CDH12: variants seen among roughly 807,000 people sequenced by gnomAD.
The protein encoded by CDH12 is cadherin 12.
A neutral mutation model predicts 74.1 loss-of-function variants in CDH12; 41 were observed. The ratio of observed to expected loss-of-function variants is 0.55; its 90% CI spans 0.43 to 0.72. The LOEUF (loss-of-function observed/expected upper bound fraction) is 0.72, where lower values mean the gene tolerates loss of function less well. Among genes scored for constraint, CDH12 ranks in the 30% least tolerant of loss-of-function variants. The pLI, the probability that CDH12 is intolerant of heterozygous loss-of-function variation, is 0.00. For missense variants in CDH12, 945 were observed against 977.2 expected (o/e 0.97, Z 0.44); for synonymous variants, 399 against 355.0 (o/e 1.12, Z -1.39).
intron 2 of CDH12, among the ~76,000 whole-genome samples, chr5:22,500,285 T>C (rs1747279904): frequency 6.6e-6 from 1 of 152,212 alleles, no homozygotes. Context: ...ATTTATTTAC[T>C]AAATGTTATA....
At chr5:22,014,049 A>G (rs977969415) in intron 5 of CDH12, among the ~76,000 whole-genome samples, 8 of 152,118 alleles carry the variant, frequency 5.3e-5, no homozygotes, top group African/African-American at 1.9e-4. Context: ...CCACATGGTG[A>G]AAACCCATCT....
At chr5:22,326,382 C>T (rs1246289797) in intron 3 of CDH12, among the ~76,000 whole-genome samples, 1 of 151,988 alleles carries the variant, frequency 6.6e-6, no homozygotes, top group Non-Finnish European at 1.5e-5. Context: ...ACTACAGGCA[C>T]CCGCAACCAC....
At chr5:22,543,455 A>G (rs764537605) in intron 1 of CDH12, among the ~76,000 whole-genome samples, 2 of 152,128 alleles carry the variant, frequency 1.3e-5, no homozygotes, top group Admixed American at 6.5e-5. Flanking sequence ...TTAAAATATC[A>G]TTTACTCTAA....
At chr5:22,701,709 C>A (rs962514794) in intron 1 of CDH12, among the ~76,000 whole-genome samples, 10 of 152,236 alleles carry the variant, frequency 6.6e-5, no homozygotes, top group African/African-American at 2.4e-4. Context: ...TTCTTCATAT[C>A]ATTTCAATCT....
chr5:22,700,005 T>A (rs1352840856), intron 1 of CDH12, among the ~76,000 whole-genome samples: 1 of 152,038 alleles, frequency 6.6e-6, no homozygotes, highest in East Asian at 1.9e-4. Context: ...TAAAAGCCCG[T>A]GTCTACAAAA....
At chr5:21,836,997 C>T (rs564523699) in intron 8 of CDH12, among the ~76,000 whole-genome samples, 1 of 152,016 alleles carries the variant, frequency 6.6e-6, no homozygotes, top group African/African-American at 2.4e-5. Flanking sequence ...AAAACACAGG[C>T]ATTGAAAGCA....
At chr5:21,922,980 A>G (rs144835871) in intron 6 of CDH12, among the ~76,000 whole-genome samples, 193 of 151,648 alleles carry the variant, frequency 1.3e-3, no homozygotes, top group African/African-American at 4.5e-3. Context: ...ATCTATATCT[A>G]TATATGGAGA....
chr5:21,862,130 T>C (rs936146213), intron 6 of CDH12, among the ~76,000 whole-genome samples: 1 of 152,076 alleles, frequency 6.6e-6, no homozygotes, highest in South Asian at 2.1e-4. Flanking sequence ...TTTAGTTGTG[T>C]TTGGTAAACT....
chr5:22,131,567 G>C, intron 4 of CDH12, among the ~76,000 whole-genome samples: 1 of 152,066 alleles, frequency 6.6e-6, no homozygotes, highest in Non-Finnish European at 1.5e-5. Context: ...ACTATTCTAG[G>C]TCACCTTGTT....
intron 1 of CDH12, among the ~76,000 whole-genome samples, chr5:22,582,792 T>G (rs1388013506): frequency 1.3e-5 from 2 of 152,156 alleles, no homozygotes; most frequent in Admixed American, 6.6e-5. Context: ...TGTATCATGT[T>G]TTCATGAAAG....
chr5:21,816,048 G>A (rs1748021954), intron 9 of CDH12, among the ~76,000 whole-genome samples: 2 of 151,984 alleles, frequency 1.3e-5, no homozygotes, highest in South Asian at 4.2e-4. Flanking sequence ...GCATCACTAG[G>A]TCTTTTTTGT....
intron 2 of CDH12, among the ~76,000 whole-genome samples, chr5:22,501,032 A>G (rs1747310322): frequency 6.6e-6 from 1 of 152,126 alleles, no homozygotes; most frequent in African/African-American, 2.4e-5. Context: ...GTGACCTATC[A>G]CAAAAAATCA....
At chr5:22,506,853 A>G (rs1442616412) in intron 1 of CDH12, among the ~76,000 whole-genome samples, 1 of 152,178 alleles carries the variant, frequency 6.6e-6, no homozygotes, top group Non-Finnish European at 1.5e-5. Context: ...CTCCAGCTTC[A>G]TATTATTAAC....
intron 1 of CDH12, among the ~76,000 whole-genome samples, chr5:22,746,030 G>T (rs1745279132): frequency 2.0e-5 from 3 of 152,136 alleles, no homozygotes; most frequent in Admixed American, 1.3e-4. Flanking sequence ...TACCCTATGT[G>T]AGATATAATA....
At chr5:22,830,022 C>T (rs534528098) in intron 1 of CDH12, among the ~76,000 whole-genome samples, 2 of 152,276 alleles carry the variant, frequency 1.3e-5, no homozygotes, top group African/African-American at 2.4e-5. Flanking sequence ...TTCATTATAT[C>T]ACACATCACT....
intron 4 of CDH12, among the ~76,000 whole-genome samples, chr5:22,140,440 G>A (rs1746721225): frequency 7.3e-6 from 1 of 136,370 alleles, no homozygotes; most frequent in Middle Eastern, 3.7e-3. Flanking sequence ...AGTGTATAAA[G>A]TAAAAAGAGA....
chr5:21,934,294 C>T (rs1006404223), intron 6 of CDH12, among the ~76,000 whole-genome samples: 12 of 152,090 alleles, frequency 7.9e-5, no homozygotes, highest in Non-Finnish European at 7.3e-5. Context: ...GTAATGTATC[C>T]TGAGTGAGTT....
intron 4 of CDH12, among the ~76,000 whole-genome samples, chr5:22,185,155 G>T (rs1160566025): frequency 1.3e-5 from 2 of 148,242 alleles, no homozygotes; most frequent in African/African-American, 2.5e-5. Flanking sequence ...CATTCTTTTT[G>T]TTCATCTGCA....
At chr5:22,325,881 C>T (rs1739074750) in intron 3 of CDH12, among the ~76,000 whole-genome samples, 1 of 151,994 alleles carries the variant, frequency 6.6e-6, no homozygotes, top group South Asian at 2.1e-4. Context: ...GCACTCCAGC[C>T]TGGGCGACAG....
Sources: allele counts gnomAD v4.1 joint callset (sites outside exome capture counted in the v4.1 genomes callset), GRCh38; gene constraint gnomAD v4.1.1; transcripts MANE v1.5; gene names NCBI Gene and HGNC (gene_info 2026-07-23, HGNC 2026-07-21).